CNTNAP2: variants seen among roughly 807,000 people sequenced by gnomAD.
CNTNAP2 encodes the protein contactin-associated protein-like 2.
In CNTNAP2, 98 loss-of-function variants were observed where a neutral mutation model predicts 155.2. That is an observed-to-expected ratio of 0.63 (90% confidence interval 0.54 to 0.75). The LOEUF is 0.75. Ranked by LOEUF, CNTNAP2 falls within the 30% of genes least tolerant of loss-of-function variation. CNTNAP2 has a pLI of 0.00. For missense variants in CNTNAP2, 1,727 were observed against 1,688.1 expected (o/e 1.02, Z -0.40); for synonymous variants, 651 against 631.2 (o/e 1.03, Z -0.47).
At chr7:148,384,070 A>G (rs1244787800) in intron 22 of CNTNAP2, among the ~76,000 whole-genome samples, 182 bp downstream of exon 22, 1 of 152,244 alleles carries the variant, frequency 6.6e-6, no homozygotes, top group Non-Finnish European at 1.5e-5. Context: ...TGAAATACTC[A>G]GGGCCAGAAA....
chr7:148,217,470 C>G lies in CNTNAP2; in HGVS notation c.3193C>G (p.Leu1065Val), dbSNP rs146225600. The G allele has an allele frequency of 3.4e-5, 55 of 1,614,096 alleles. No individual in the cohort carries two copies. Among genetic ancestry groups the G allele is most frequent in the Non-Finnish European group, 4.5e-5 (53 of 1,180,050 alleles). The change falls in exon 19 of 24, where the codon CTC becomes GTC. Residue 1065 changes from leucine (L) to valine (V), a missense_variant. Transcript: ENST00000361727. ...CACCACCAAGGCGCCCTGCATTCTC[C>G]TCTACATCAGCTCCTTCACCACAGA... ...FSTTKAPCILLYISSFTTDFL... is the reference protein window; with the variant it reads ...FSTTKAPCILVYISSFTTDFL...
intron 8 of CNTNAP2, among the ~76,000 whole-genome samples, chr7:147,248,088 C>A (rs1283019653): frequency 6.6e-6 from 1 of 151,950 alleles, no homozygotes; most frequent in Non-Finnish European, 1.5e-5. Flanking sequence ...TAGGCAAATA[C>A]CACATAAAAG....
chr7:146,744,422 T>C (rs1337961133), intron 1 of CNTNAP2, among the ~76,000 whole-genome samples: 1 of 152,160 alleles, frequency 6.6e-6, no homozygotes, highest in Non-Finnish European at 1.5e-5. Flanking sequence ...TATTTAAAAT[T>C]GGTAGAAAGA....
At chr7:146,377,982 T>C (rs976577876) in intron 1 of CNTNAP2, among the ~76,000 whole-genome samples, 9 of 152,196 alleles carry the variant, frequency 5.9e-5, no homozygotes, top group African/African-American at 1.4e-4. Context: ...ATGCTACTTA[T>C]TTTCTTAATG....
intron 4 of CNTNAP2, among the ~76,000 whole-genome samples, chr7:147,076,577 G>A (rs1157527059): frequency 6.6e-6 from 1 of 152,108 alleles, no homozygotes; most frequent in African/African-American, 2.4e-5. Flanking sequence ...AAATTTCTAA[G>A]TGAAATCAGT....
chr7:146,537,788 T>C (rs934477990), intron 1 of CNTNAP2, among the ~76,000 whole-genome samples: 1 of 152,054 alleles, frequency 6.6e-6, no homozygotes, highest in Non-Finnish European at 1.5e-5. Context: ...GTTTGAGCTA[T>C]AACAGGCCAG....
At chr7:146,176,301 T>A (rs1180409579) in intron 1 of CNTNAP2, among the ~76,000 whole-genome samples, 1 of 152,162 alleles carries the variant, frequency 6.6e-6, no homozygotes, top group Non-Finnish European at 1.5e-5. Flanking sequence ...AATTCCCTTT[T>A]TGTCTATGGA....
chr7:146,247,852 G>GC (rs1343720263), intron 1 of CNTNAP2, among the ~76,000 whole-genome samples: 1 of 152,110 alleles, frequency 6.6e-6, no homozygotes, highest in East Asian at 1.9e-4. Context: ...AGTGAAGGAG[G>GC]CTAGCCCAGA....
intron 11 of CNTNAP2, among the ~76,000 whole-genome samples, chr7:147,535,025 C>T (rs547087892): frequency 4.3e-4 from 65 of 152,164 alleles, no homozygotes; most frequent in Middle Eastern, 3.4e-3. Flanking sequence ...CCTACCCACG[C>T]CCTACCCCAA....
intron 18 of CNTNAP2, among the ~76,000 whole-genome samples, chr7:148,201,501 A>G (rs1795369874): frequency 6.6e-6 from 1 of 152,172 alleles, no homozygotes; most frequent in South Asian, 2.1e-4. Flanking sequence ...AAGCACAAAC[A>G]TTTACTTTGT....
intron 17 of CNTNAP2, among the ~76,000 whole-genome samples, chr7:148,156,916 C>T (rs1331126106): frequency 6.6e-6 from 1 of 152,166 alleles, no homozygotes; most frequent in East Asian, 1.9e-4. Flanking sequence ...TCCAGACTGT[C>T]CCTCAAATGC....
At chr7:146,840,173 A>G (rs1326646958) in intron 3 of CNTNAP2, among the ~76,000 whole-genome samples, 1 of 152,234 alleles carries the variant, frequency 6.6e-6, no homozygotes, top group African/African-American at 2.4e-5. Flanking sequence ...CGGATCAATA[A>G]GACCAGAATC....
intron 1 of CNTNAP2, among the ~76,000 whole-genome samples, chr7:146,689,023 A>AT (rs1585043604): frequency 6.6e-6 from 1 of 152,148 alleles, no homozygotes; most frequent in Non-Finnish European, 1.5e-5. Context: ...AAATGTTGGC[A>AT]TTTTTAAAAC....
chr7:147,868,193 T>G (rs550633595), intron 13 of CNTNAP2, among the ~76,000 whole-genome samples: 1 of 152,190 alleles, frequency 6.6e-6, no homozygotes, highest in Non-Finnish European at 1.5e-5. Context: ...GTTTTCCGTC[T>G]AATAGTCAGG....
At chr7:147,191,252 C>T (rs1050010234) in intron 8 of CNTNAP2, among the ~76,000 whole-genome samples, 2 of 151,838 alleles carry the variant, frequency 1.3e-5, no homozygotes, top group African/African-American at 2.4e-5. Context: ...TCCCTAACCT[C>T]GAATATAGTA....
At chr7:146,761,036 TAAG>T (rs1802088334) in intron 1 of CNTNAP2, among the ~76,000 whole-genome samples, 1 of 152,138 alleles carries the variant, frequency 6.6e-6, no homozygotes, top group South Asian at 2.1e-4. Context: ...GTCAAATGAA[TAAG>T]ATTATTCAGT....
At chr7:148,212,541 A>T (rs1194517520) in intron 18 of CNTNAP2, among the ~76,000 whole-genome samples, 1 of 152,226 alleles carries the variant, frequency 6.6e-6, no homozygotes, top group East Asian at 1.9e-4. Context: ...TATTGTCTAT[A>T]TCTGTTAGTA....
intron 8 of CNTNAP2, among the ~76,000 whole-genome samples, chr7:147,228,823 C>G (rs1434266242): frequency 6.6e-6 from 1 of 151,706 alleles, no homozygotes; most frequent in Admixed American, 6.6e-5. Context: ...CACCCCCCAA[C>G]AGGCCCTGGA....
chr7:148,403,764 G>A (rs773888528), intron 22 of CNTNAP2, among the ~76,000 whole-genome samples: 7 of 152,220 alleles, frequency 4.6e-5, no homozygotes, highest in Non-Finnish European at 2.9e-5. Context: ...TAGCAATTGT[G>A]TTGATCGCCA....
Sources: gnomAD v4.1 joint callset for allele counts (sites outside exome capture counted in the v4.1 genomes callset) on GRCh38, gnomAD v4.1.1 for gene constraint, MANE v1.5 for transcripts, NCBI Gene and HGNC (gene_info 2026-07-23, HGNC 2026-07-21) for gene names.